PTPRT: variants seen among roughly 807,000 people sequenced by gnomAD.
PTPRT encodes receptor-type tyrosine-protein phosphatase T.
A neutral mutation model predicts 176.8 loss-of-function variants in PTPRT; 56 were observed. That is an observed-to-expected ratio of 0.32 (90% CI 0.26 to 0.40). PTPRT has a LOEUF of 0.40. Ranked by LOEUF, PTPRT falls within the 10% of genes least tolerant of loss-of-function variation. The probability of loss-of-function intolerance (pLI) is 1.00; values close to 1 mark genes in which losing one functional copy is unlikely to be tolerated. For synonymous variants in PTPRT, 783 were observed against 739.0 expected, an observed-to-expected ratio of 1.06 and a Z score of -0.96; for missense variants, 1,540 against 1,908.2, an observed-to-expected ratio of 0.81 and a Z score of 3.60.
At chr20:42,367,235 T>C (rs2058526896) in intron 9 of PTPRT, among the ~76,000 whole-genome samples, 1 of 152,126 alleles carries the variant, frequency 6.6e-6, no homozygotes, top group African/African-American at 2.4e-5. Flanking sequence ...AGAAGAAAGG[T>C]TTTTCATGAA....
chr20:43,106,002 CA>C (rs2146332943), intron 1 of PTPRT, among the ~76,000 whole-genome samples: 1 of 152,188 alleles, frequency 6.6e-6, no homozygotes, highest in African/African-American at 2.4e-5. Flanking sequence ...GCAACAGGTT[CA>C]GGGGGTGAGG....
At chr20:42,861,855 T>C (rs2078667069) in intron 2 of PTPRT, among the ~76,000 whole-genome samples, 1 of 151,548 alleles carries the variant, frequency 6.6e-6, no homozygotes, top group Non-Finnish European at 1.5e-5. Flanking sequence ...CCTGGTGTGG[T>C]TAAAAAAAAA....
chr20:42,636,960 A>T (rs2074615793), intron 7 of PTPRT, among the ~76,000 whole-genome samples: 1 of 152,038 alleles, frequency 6.6e-6, no homozygotes, highest in Non-Finnish European at 1.5e-5. Flanking sequence ...ATATGATGAA[A>T]TATAGCACTC....
At chr20:42,379,084 G>T (rs1568827401) in intron 9 of PTPRT, among the ~76,000 whole-genome samples, 1 of 152,180 alleles carries the variant, frequency 6.6e-6, no homozygotes, top group Non-Finnish European at 1.5e-5. Flanking sequence ...GTAAGCCTTT[G>T]CTTCTGCCTT....
intron 9 of PTPRT, among the ~76,000 whole-genome samples, chr20:42,400,218 G>A (rs996963517): frequency 1.3e-5 from 2 of 152,054 alleles, no homozygotes; most frequent in African/African-American, 2.4e-5. Context: ...AACTATTCCA[G>A]TGTCTAATTC....
chr20:42,980,580 T>G (rs1351505802), intron 1 of PTPRT, among the ~76,000 whole-genome samples: 2 of 152,220 alleles, frequency 1.3e-5, no homozygotes, highest in African/African-American at 2.4e-5. Flanking sequence ...GGTGACAGAC[T>G]TCCCCCCACC....
intron 27 of PTPRT, among the ~76,000 whole-genome samples, chr20:42,097,898 G>A (rs1043312589): frequency 2.6e-5 from 4 of 152,226 alleles, no homozygotes; most frequent in African/African-American, 9.6e-5. Flanking sequence ...AGAACAGAGG[G>A]GCTAAGGCAG....
intron 9 of PTPRT, among the ~76,000 whole-genome samples, chr20:42,408,595 T>C (rs6030211): frequency 0.45 from 61,265 of 136,690 alleles, 13,798 homozygotes; most frequent in Admixed American, 0.56. Context: ...TTGTGTGAAA[T>C]CTATCCTGTG....
At chr20:42,645,361 C>T (rs2074867833) in intron 7 of PTPRT, among the ~76,000 whole-genome samples, 1 of 152,130 alleles carries the variant, frequency 6.6e-6, no homozygotes, top group African/African-American at 2.4e-5. Context: ...GATAAATACC[C>T]TAACTTTCTA....
intron 9 of PTPRT, among the ~76,000 whole-genome samples, chr20:42,417,931 G>A (rs573641498): frequency 1.3e-5 from 2 of 151,824 alleles, no homozygotes; most frequent in South Asian, 4.2e-4. Flanking sequence ...GTAGAGAAAG[G>A]GTCTCTATAT....
intron 2 of PTPRT, among the ~76,000 whole-genome samples, chr20:42,880,995 CCTGT>C (rs2079003387): frequency 6.6e-6 from 1 of 152,194 alleles, no homozygotes; most frequent in Admixed American, 6.5e-5. Flanking sequence ...GCCTCTCTGG[CCTGT>C]CAGGACCCAC....
At position 42,667,262 on chromosome 20, in the gene PTPRT, A is replaced by T. The variant is rs185579982; in HGVS notation, c.1153+10604T>A. Among the ~76,000 whole-genome samples, 1,134 of 152,310 alleles carry T rather than the reference A, an allele frequency of 7.4e-3. 10 individuals are homozygous for T. The highest frequency in any genetic ancestry group is 0.01 in the Non-Finnish European group (712 of 68,016). Reference sequence around the variant, plus strand: ...TAAGGGTTCCATTTTCATCCGGGCCATTTGAGCAAGTGTGTGGCCTTGGGC... The same window carrying T: ...TAAGGGTTCCATTTTCATCCGGGCCTTTTGAGCAAGTGTGTGGCCTTGGGC... On this transcript the variant is annotated intron_variant, in intron 7 of 30. Transcript: ENST00000373187.
intron 1 of PTPRT, among the ~76,000 whole-genome samples, chr20:43,143,247 A>G (rs1031782338): frequency 6.6e-6 from 1 of 152,104 alleles, no homozygotes; most frequent in South Asian, 2.1e-4. Context: ...AGTGGTGCCC[A>G]TTTCTGCTAT....
chr20:42,910,400 T>G (rs1181954809), intron 1 of PTPRT, among the ~76,000 whole-genome samples: 1 of 152,176 alleles, frequency 6.6e-6, no homozygotes, highest in Non-Finnish European at 1.5e-5. Flanking sequence ...CAATGAAAAT[T>G]TTTATATCCT....
chr20:42,401,730 G>T (rs1233694129), intron 9 of PTPRT, among the ~76,000 whole-genome samples: 2 of 151,718 alleles, frequency 1.3e-5, no homozygotes, highest in African/African-American at 4.9e-5. Context: ...GCCCAGTACA[G>T]GCTTAACCAA....
At chr20:42,857,611 T>A (rs1290142077) in intron 2 of PTPRT, among the ~76,000 whole-genome samples, 1 of 152,194 alleles carries the variant, frequency 6.6e-6, no homozygotes, top group Non-Finnish European at 1.5e-5. Flanking sequence ...GACTGCTAAG[T>A]GGTCTTTGTG....
chr20:43,014,301 A>C (rs1985275169), intron 1 of PTPRT, among the ~76,000 whole-genome samples: 1 of 152,176 alleles, frequency 6.6e-6, no homozygotes, highest in African/African-American at 2.4e-5. Context: ...CTTCCAGCTC[A>C]TTTGGCAGAT....
intron 9 of PTPRT, among the ~76,000 whole-genome samples, chr20:42,443,210 C>T (rs2059334307): frequency 6.6e-6 from 1 of 152,246 alleles, no homozygotes; most frequent in Non-Finnish European, 1.5e-5. Context: ...ACCACCTCTA[C>T]CACCCTCTTG....
At chr20:42,883,860 A>C (rs1340580067) in intron 2 of PTPRT, among the ~76,000 whole-genome samples, 1 of 96,994 alleles carries the variant, frequency 1.0e-5, no homozygotes, top group Admixed American at 1.1e-4. Flanking sequence ...ACACACCCCC[A>C]TAGACATGCA....
Sources: gnomAD v4.1 joint callset for allele counts (sites outside exome capture counted in the v4.1 genomes callset) on GRCh38, gnomAD v4.1.1 for gene constraint, MANE v1.5 for transcripts, NCBI Gene and HGNC (gene_info 2026-07-23, HGNC 2026-07-21) for gene names.